VSIG8: variants seen among roughly 807,000 people sequenced by gnomAD.
VSIG8 encodes the protein V-set and immunoglobulin domain containing 8.
Under a neutral mutation model 42.6 loss-of-function variants are expected in VSIG8, and 32 were observed. The ratio of observed to expected loss-of-function variants is 0.75; its 90% CI spans 0.57 to 1.01. The LOEUF is 1.01. Ranked by LOEUF, VSIG8 falls within the 50% of genes least tolerant of loss-of-function variation. VSIG8 has a pLI of 0.00. For missense variants in VSIG8, 529 were observed against 558.0 expected (o/e 0.95, Z 0.52); for synonymous variants, 290 against 243.8 (o/e 1.19, Z -1.77).
At chr1:159,862,398 C>T in intron 1 of VSIG8, 75 bp downstream of exon 1, 1 of 1,496,428 alleles carries the variant, frequency 6.7e-7, no homozygotes, top group South Asian at 1.3e-5. Context: ...CCAGGCTCCA[C>T]TGTGAGCCCT....
intron 1 of VSIG8, among the ~76,000 whole-genome samples, chr1:159,859,979 G>C (rs1222018339): frequency 7.9e-5 from 12 of 152,028 alleles, no homozygotes; most frequent in South Asian, 2.1e-4. Context: ...AGACCGGGGG[G>C]TGTAGCCAGG....
chr1:159,854,976 A>T lies in VSIG8; in HGVS notation c.1022T>A (p.Val341Asp). 1 of 1,552,946 alleles carries T rather than the reference A, an allele frequency of 6.4e-7. No homozygotes were observed. The highest frequency in any genetic ancestry group is 8.6e-7 in the Non-Finnish European group (1 of 1,156,210). Reference protein sequence around the residue: ...GCKASGRGSRVTHLLGYPTQN... With the variant: ...GCKASGRGSRDTHLLGYPTQN... ...CGTCGGGTACCCCAGGAGGTGGGTG[A>T]CGCGGCTGCCGCGCCCGCTGGCCTT... The change falls in exon 7 of 7, where the codon GTC becomes GAC. Residue 341 changes from valine (V) to aspartate (D), a missense_variant. Coordinates refer to ENST00000368100, the MANE Select transcript of VSIG8 (RefSeq NM_001013661.1).
chr1:159,858,644 A>G (rs966524312), intron 2 of VSIG8, 90 bp downstream of exon 2: 53 of 1,455,428 alleles, frequency 3.6e-5, no homozygotes, highest in Non-Finnish European at 4.5e-5. Context: ...GGGAGGTTCA[A>G]GGTCAGTCTT....
intron 6 of VSIG8, chr1:159,855,254 G>A: frequency 6.4e-7 from 1 of 1,551,244 alleles, no homozygotes. Flanking sequence ...GACAGGGCTT[G>A]TCCACGCGTA....
In VSIG8 at chr1:159,855,995, C is replaced by T. The variant is rs199554966; in HGVS notation, c.859G>A (p.Val287Ile). The T allele has an allele frequency of 7.5e-6, 12 of 1,607,194 alleles. No individual in the cohort carries two copies. The highest frequency in any genetic ancestry group is 1.6e-4 in the Middle Eastern group (1 of 6,074). Residue 287 changes from valine to isoleucine, a missense_variant, in exon 6 of 7, where the codon GTC becomes ATC. By Grantham distance (29) the Val-to-Ile change is conservative. Coordinates refer to ENST00000368100, the MANE Select transcript of VSIG8 (RefSeq NM_001013661.1). ...CCGGAGCCCCCGCAGCAGCAGCAGA[C>T]GAGCCCCCAGATGCCTACGGCCAGG... ...GCLAVGIWGLVCCCCGGSGAG... is the reference protein window; with the variant it reads ...GCLAVGIWGLICCCCGGSGAG...
In VSIG8 at chr1:159,854,516, C is replaced by T. The variant is rs555849646; in HGVS notation, c.*237G>A. On this transcript the variant is annotated 3_prime_UTR_variant, in exon 7 of 7. Coordinates refer to ENST00000368100, the MANE Select transcript of VSIG8 (RefSeq NM_001013661.1). ...CCTCCCTCTCCCCCAAGCCTTCGGT[C>T]CCGGGGGTGCGGAGAAGGCTCAGGA... 41 of 773,202 alleles carry T rather than the reference C, an allele frequency of 5.3e-5. No homozygotes were observed. The highest frequency in any genetic ancestry group is 1.8e-6 in the Non-Finnish European group (1 of 549,952). 47.9% of individuals were successfully genotyped at this position (773,202 alleles called of 1,614,324 possible).
At chr1:159,856,957 C>T (rs1648853546) in intron 4 of VSIG8, among the ~76,000 whole-genome samples, 1 of 152,174 alleles carries the variant, frequency 6.6e-6, no homozygotes, top group Admixed American at 6.5e-5. Context: ...ACAGGAGAAG[C>T]CAGGGGAAGA....
Position 159,854,736 on chromosome 1 carries a change from C to A in VSIG8, c.*17G>T, listed in dbSNP as rs1452292869. Reference sequence around the variant, plus strand: ...CCCTCCTCCTGGCTGGGGCGCAGCCCGGCCCGGCGCGCGCGCTCACACCAA... The same window carrying A: ...CCCTCCTCCTGGCTGGGGCGCAGCCAGGCCCGGCGCGCGCGCTCACACCAA... On this transcript the variant is annotated 3_prime_UTR_variant, in exon 7 of 7. Transcript: ENST00000368100. 1 of 1,457,678 alleles carries A rather than the reference C, an allele frequency of 6.9e-7. No homozygotes were observed. The highest frequency in any genetic ancestry group is 2.9e-5 in the East Asian group (1 of 34,088). The allele number at this position is 1,457,678 out of a possible 1,614,324, so 90.3% of individuals were successfully genotyped here.
At chr1:159,858,519 G>T (rs2101830103) in intron 2 of VSIG8, among the ~76,000 whole-genome samples, 1 of 152,356 alleles carries the variant, frequency 6.6e-6, no homozygotes, top group East Asian at 1.9e-4. Flanking sequence ...TGAAGGCAAA[G>T]ACTACAACTT....
rs1325587085 is a variant in VSIG8 at position 159,862,565 on chromosome 1, T to TG, written c.-45dup. 2 of 1,566,430 alleles carry TG rather than the reference T, an allele frequency of 1.3e-6. No homozygotes were observed. The highest frequency in any genetic ancestry group is 1.7e-6 in the Non-Finnish European group (2 of 1,149,176). ...TCCTCCGTCTGGGCTGGGTATCCCG[T>TG]GGGGTCGTAGTGGTGGGTGTGAGGG... On this transcript the variant is annotated 5_prime_UTR_variant, in exon 1 of 7. Coordinates refer to ENST00000368100, the MANE Select transcript of VSIG8 (RefSeq NM_001013661.1).
rs1343668349 is a variant in VSIG8, at chr1:159,862,460, C to T, written c.49+13G>A. On this transcript the variant is annotated intron_variant, in intron 1 of 6. Transcript: ENST00000368100. ...CTCATGCTGGCTACCCTGCCCCCTG[C>T]CCAGCCCCGTACCTGGGCTCAGGCA... 1 of 1,610,308 alleles carries T rather than the reference C, an allele frequency of 6.2e-7. No homozygotes were observed. Among genetic ancestry groups the T allele is most frequent in the South Asian group, 1.1e-5 (1 of 90,682 alleles).
rs778942952 is a variant in VSIG8 at position 159,858,737 on chromosome 1, G to A, written c.225C>T (p.Asn75=). 2.1e-5 allele frequency: 34 copies of A among 1,609,878 alleles called. No individual in the cohort carries two copies. In the East Asian group the frequency reaches 2.2e-4, roughly 11 times the overall value. The part of the protein sequence containing the change: ...VNSDPAHHRE[N]VFLSYQDKRI... ...GACCCCTGTGCCCAGCACTCACCACGTTCTCTCGGTGGTGGGCGGGGTCTG... is the reference window on the plus strand; with the variant it reads ...GACCCCTGTGCCCAGCACTCACCACATTCTCTCGGTGGTGGGCGGGGTCTG... The change falls in exon 2 of 7, where the codon AAC becomes AAT. Residue 75 remains asparagine, a synonymous_variant. Coordinates refer to ENST00000368100, the MANE Select transcript of VSIG8 (RefSeq NM_001013661.1).
intron 1 of VSIG8, chr1:159,862,217 T>C: frequency 2.4e-6 from 1 of 421,338 alleles, no homozygotes; most frequent in Non-Finnish European, 4.2e-6. Context: ...TGCACACATG[T>C]GTGAGCCCGA....
At position 159,854,908 on chromosome 1, in the gene VSIG8, G is replaced by T; in HGVS notation, c.1090C>A (p.Pro364Thr). 5.4e-6 allele frequency: 8 copies of T among 1,493,820 alleles called. No homozygotes were observed. The highest frequency in any genetic ancestry group is 7.1e-6 in the Non-Finnish European group (8 of 1,129,664). The allele number at this position is 1,493,820 out of a possible 1,614,324, so 92.5% of individuals were successfully genotyped here. Residue 364 changes from proline to threonine, a missense_variant, in exon 7 of 7, where the codon CCC becomes ACC. By Grantham distance (38) the Pro-to-Thr change is conservative. Coordinates refer to ENST00000368100, the MANE Select transcript of VSIG8 (RefSeq NM_001013661.1). Reference protein sequence around the residue: ...RSLRRKYAPPPCGGPEDVALA... With the variant: ...RSLRRKYAPPTCGGPEDVALA... ...GCCACGTCCTCGGGGCCGCCGCAGG[G>T]GGGAGGCGCGTACTTGCGGCGCAGG... is the stretch of plus-strand genomic sequence containing the variant.
Position 159,862,556 on chromosome 1 carries a change from G to T in VSIG8, c.-35C>A. Reference sequence around the variant, plus strand: ...CTCGGTGTTTCCTCCGTCTGGGCTGGGTATCCCGTGGGGTCGTAGTGGTGG... The same window carrying T: ...CTCGGTGTTTCCTCCGTCTGGGCTGTGTATCCCGTGGGGTCGTAGTGGTGG... On this transcript the variant is annotated 5_prime_UTR_variant, in exon 1 of 7. Transcript: ENST00000368100. The T allele has an allele frequency of 1.2e-6, 2 of 1,606,612 alleles. No individual in the cohort carries two copies. Among genetic ancestry groups the T allele is most frequent in the South Asian group, 2.2e-5 (2 of 90,326 alleles).
intron 1 of VSIG8, chr1:159,861,089 G>T (rs746352082): frequency 6.6e-6 from 1 of 152,226 alleles, no homozygotes; most frequent in East Asian, 1.9e-4. Context: ...CACTAAGGAA[G>T]TACTACAGGG....
chr1:159,858,298 A>G lies in VSIG8; in HGVS notation c.229-7T>C. 3 of 1,614,212 alleles carry G rather than the reference A, an allele frequency of 1.9e-6. No homozygotes were observed. The highest frequency in any genetic ancestry group is 2.5e-6 in the Non-Finnish European group (3 of 1,180,034). On this transcript the variant is annotated splice_polypyrimidine_tract_variant and splice_region_variant and intron_variant, in intron 2 of 6. Coordinates refer to ENST00000368100, the MANE Select transcript of VSIG8 (RefSeq NM_001013661.1). ...TGTCCTGGTAACTAAGGAACTGTGA[A>G]GAGGAGAGGAAAACAGGTGGTGAAA...
At position 159,854,908 on chromosome 1, in the gene VSIG8, G is replaced by A. The variant is rs1315365222; in HGVS notation, c.1090C>T (p.Pro364Ser). Reference sequence around the variant, plus strand: ...GCCACGTCCTCGGGGCCGCCGCAGGGGGGAGGCGCGTACTTGCGGCGCAGG... The same window carrying A: ...GCCACGTCCTCGGGGCCGCCGCAGGAGGGAGGCGCGTACTTGCGGCGCAGG... ...RSLRRKYAPP[P>S]CGGPEDVALA... is the part of the protein sequence containing the mutation. The change falls in exon 7 of 7, where the codon CCC becomes TCC. Residue 364 changes from proline (P) to serine (S), a missense_variant. Coordinates refer to ENST00000368100, the MANE Select transcript of VSIG8 (RefSeq NM_001013661.1). 1 of 1,493,820 alleles carries A rather than the reference G, an allele frequency of 6.7e-7. No individual in the cohort carries two copies. The highest frequency in any genetic ancestry group is 1.5e-5 in the African/African-American group (1 of 68,880). The allele number at this position is 1,493,820 out of a possible 1,614,324, so 92.5% of individuals were successfully genotyped here.
intron 1 of VSIG8, chr1:159,861,066 C>T (rs754337858): frequency 1.6e-4 from 25 of 152,178 alleles, no homozygotes; most frequent in Non-Finnish European, 3.2e-4. Flanking sequence ...CACCTTGATT[C>T]CTCTTGCTGT....
Sources: allele counts gnomAD v4.1 joint callset (sites outside exome capture counted in the v4.1 genomes callset), GRCh38; gene constraint gnomAD v4.1.1; transcripts MANE v1.5; gene names NCBI Gene and HGNC (gene_info 2026-07-23, HGNC 2026-07-21).